STAT6: variants seen among roughly 807,000 people sequenced by gnomAD.
STAT6 encodes STAT, interleukin4-induced.
In STAT6, 45 loss-of-function variants were observed where a neutral mutation model predicts 106.3. That is an observed-to-expected ratio of 0.42 (90% CI 0.33 to 0.54). The LOEUF (loss-of-function observed/expected upper bound fraction) is 0.54, where lower values mean the gene tolerates loss of function less well. Ranked by LOEUF, STAT6 falls within the 20% of genes least tolerant of loss-of-function variation. The pLI, the probability that STAT6 is intolerant of heterozygous loss-of-function variation, is 0.06. For synonymous variants in STAT6, 413 were observed against 413.6 expected (o/e 1.00, Z 0.02); for missense variants, 797 against 1,062.2 (o/e 0.75, Z 3.47).
Position 57,099,379 on chromosome 12 carries a change from C to T in STAT6, c.1806G>A (p.Leu602=). 6.2e-7 allele frequency: 1 copy of T among 1,614,136 alleles called. No individual in the cohort carries two copies. The highest frequency in any genetic ancestry group is 8.5e-7 in the Non-Finnish European group (1 of 1,180,012). The change falls in exon 16 of 22, where the codon CTG becomes CTA. Residue 602 remains leucine (L), a synonymous_variant. Transcript: ENST00000300134. This position sits in a 1 kb window ranked among gnomAD's most constrained non-coding sequence, Gnocchi z 4.7. ...FSAKDLSIRS[L]GDRIRDLAQL... ...GAGCAAGATCCCGGATTCGGTCCCCCAGTGAGCGAATGGACAGGTCTTTGG... is the reference window on the plus strand; with the variant it reads ...GAGCAAGATCCCGGATTCGGTCCCCTAGTGAGCGAATGGACAGGTCTTTGG...
In STAT6 at chr12:57,095,927, G is replaced by A. The variant is rs1240637489; in HGVS notation, c.*645C>T. 1 of 152,404 alleles carries A rather than the reference G, an allele frequency of 6.6e-6. No homozygotes were observed. The highest frequency in any genetic ancestry group is 1.5e-5 in the Non-Finnish European group (1 of 68,184). The allele number at this position is 152,404 out of a possible 1,614,324, so 9.4% of individuals were successfully genotyped here. The stretch of plus-strand genomic sequence containing the variant: ...CTATACACGAAGAATCTCAGCCCTT[G>A]TACTTTTGCATAGTCTCATACACGT... On this transcript the variant is annotated 3_prime_UTR_variant, in exon 22 of 22. Coordinates refer to ENST00000300134, the MANE Select transcript of STAT6 (RefSeq NM_003153.5).
chr12:57,110,889 G>A (rs2034543704), intron 1 of STAT6, among the ~76,000 whole-genome samples: 2 of 152,120 alleles, frequency 1.3e-5, no homozygotes, highest in South Asian at 4.1e-4. Flanking sequence ...TGGGGGTGCA[G>A]GGGTGAGGCT....
At position 57,107,952 on chromosome 12, in the gene STAT6, C is replaced by T. The variant is rs11172103; in HGVS notation, c.117-209G>A. On this transcript the variant is annotated intron_variant, in intron 2 of 21. Transcript: ENST00000300134. ...TCCCAGCCCAAACCCCCCTCCTCTTCGGCTCAGCCTCCTAAGAGATGGGGT... is the reference window on the plus strand; with the variant it reads ...TCCCAGCCCAAACCCCCCTCCTCTTTGGCTCAGCCTCCTAAGAGATGGGGT... Among the ~76,000 whole-genome samples the T allele has an allele frequency of 4.5e-3, 688 of 152,342 alleles. 5 individuals carry two copies. Among genetic ancestry groups the T allele is most frequent in the African/African-American group, 0.016 (650 of 41,558 alleles).
At chr12:57,105,114 C>A in intron 9 of STAT6, 37 bp downstream of exon 9, 2 of 1,584,360 alleles carry the variant, frequency 1.3e-6, no homozygotes, top group South Asian at 1.1e-5. Context: ...ATCACCCTAA[C>A]AGCCCTTCTC....
rs1592568863 is a variant in STAT6, at chr12:57,105,725, G to A, written c.681-126C>T. On this transcript the variant is annotated intron_variant, in intron 7 of 21. Transcript: ENST00000300134. ...AGAAGTGGGGTGGGTAGTGGGTGTGGCTGCAAGGCACCTGGGCTGAAGGGG... is the reference window on the plus strand; with the variant it reads ...AGAAGTGGGGTGGGTAGTGGGTGTGACTGCAAGGCACCTGGGCTGAAGGGG... 7 of 1,412,268 alleles carry A rather than the reference G, an allele frequency of 5.0e-6. No individual in the cohort carries two copies. The East Asian group carries it at 1.8e-4, about 36-fold the overall frequency. 87.5% of individuals were successfully genotyped at this position (1,412,268 alleles called of 1,614,324 possible).
rs1032702132 is a variant in STAT6, at chr12:57,107,540, G to A, written c.255+65C>T. 8.3e-6 allele frequency: 13 copies of A among 1,566,550 alleles called. No individual in the cohort carries two copies. In the African/African-American group the frequency reaches 1.8e-4, roughly 21 times the overall value. On this transcript the variant is annotated intron_variant, in intron 3 of 21. Coordinates refer to ENST00000300134, the MANE Select transcript of STAT6 (RefSeq NM_003153.5). ...AGCATCCAACCAATTTTCTTCCAGG[G>A]CCCAATGCTCAACCCAGTTCAACCT... is the stretch of plus-strand genomic sequence containing the variant.
In STAT6 at chr12:57,102,325, G is replaced by T. The variant is rs2033981383; in HGVS notation, c.1477C>A (p.Gln493Lys). 6.2e-7 allele frequency: 1 copy of T among 1,614,050 alleles called. No individual in the cohort carries two copies. The highest frequency in any genetic ancestry group is 8.5e-7 in the Non-Finnish European group (1 of 1,180,052). Reference protein sequence around the residue: ...NDNSLSMEAFQHRSVSWSQFN... With the variant: ...NDNSLSMEAFKHRSVSWSQFN... ...TGCGACCAGGACACAGAACGGTGCTGGAAGGCCTCCATACTGAGGCTGTTG... is the reference window on the plus strand; with the variant it reads ...TGCGACCAGGACACAGAACGGTGCTTGAAGGCCTCCATACTGAGGCTGTTG... Residue 493 changes from glutamine (Q) to lysine (K), a missense_variant, in exon 13 of 22, where the codon CAG becomes AAG. Transcript: ENST00000300134.
chr12:57,102,525 T>G, intron 12 of STAT6, 29 bp from the exon 13 acceptor site: 1 of 1,609,028 alleles, frequency 6.2e-7, no homozygotes, highest in South Asian at 1.1e-5. Context: ...AAGAGAGCAC[T>G]GCAGGCTACC....
chr12:57,097,330 A>G, intron 19 of STAT6, 197 bp from the exon 20 acceptor site: 1 of 412,210 alleles, frequency 2.4e-6, no homozygotes, highest in Middle Eastern at 6.1e-4. Context: ...GGATTAGCCA[A>G]TTTCTAATGT....
At chr12:57,101,593 A>G (rs1398420645) in intron 13 of STAT6, among the ~76,000 whole-genome samples, 1 of 140,232 alleles carries the variant, frequency 7.1e-6, no homozygotes, top group Non-Finnish European at 1.5e-5. Flanking sequence ...CGAACTCCTG[A>G]CCTCAGGTGA....
intron 13 of STAT6, chr12:57,100,872 A>T (rs932482776): frequency 7.0e-5 from 32 of 455,886 alleles, no homozygotes; most frequent in Middle Eastern, 6.5e-4. Context: ...AACAAACTAC[A>T]TAACCCTCTG....
intron 1 of STAT6, among the ~76,000 whole-genome samples, chr12:57,109,228 A>C (rs1277434434): frequency 1.3e-5 from 2 of 152,094 alleles, no homozygotes; most frequent in Admixed American, 1.3e-4. Context: ...TAAATGAAAT[A>C]AAATAAAAAT....
chr12:57,108,231 C>T lies in STAT6; in HGVS notation c.48G>A (p.Gln16=), dbSNP rs552668811. 17 of 1,613,202 alleles carry T rather than the reference C, an allele frequency of 1.1e-5. No individual in the cohort carries two copies. In the African/African-American group the frequency reaches 1.6e-4, roughly 15 times the overall value. The change falls in exon 2 of 22, where the codon CAG becomes CAA. Residue 16 remains glutamine (Q), a synonymous_variant. Coordinates refer to ENST00000300134, the MANE Select transcript of STAT6 (RefSeq NM_003153.5). ...GTTGGGGAAAGTCGACATAGAGCCG[C>T]TGCACTTTTTCTGGGGGCATCTTGG... The part of the protein sequence containing the change: ...LVSKMPPEKV[Q]RLYVDFPQHL...
Position 57,106,981 on chromosome 12 carries a change from G to T in STAT6, c.340-150C>A, listed in dbSNP as rs1049220598. 2.3e-6 allele frequency: 3 copies of T among 1,308,076 alleles called. No homozygotes were observed. In the African/African-American group the frequency reaches 4.5e-5, roughly 19 times the overall value. The allele number at this position is 1,308,076 out of a possible 1,614,324, so 81.0% of individuals were successfully genotyped here. A position where few individuals can be genotyped will look rare whatever the true frequency, so the allele number is the denominator to read the frequency against. ...ACCTTTTGGAATATCGTGGAGATAA[G>T]ACCTTGCTCCTAGCAGAATCAGCTC... On this transcript the variant is annotated intron_variant, in intron 4 of 21. Coordinates refer to ENST00000300134, the MANE Select transcript of STAT6 (RefSeq NM_003153.5).
rs922079958 is a variant in STAT6 at position 57,098,795 on chromosome 12, A to G, written c.2063T>C (p.Met688Thr). The change falls in exon 18 of 22, where the codon ATG becomes ACG. Residue 688 changes from methionine to threonine, a missense_variant. Physicochemically the swap from Met to Thr is moderately conservative, Grantham distance 81. This residue lies in a region of STAT6 where 226 missense variants were observed against 236.7 expected (regional missense o/e 0.95). Coordinates refer to ENST00000300134, the MANE Select transcript of STAT6 (RefSeq NM_003153.5). ...SSMSMQLGPD[M>T]VPQVYPPHSH... ...TCCTGTCTTTCCAGCTCCTTACACCATATCTGGGCCAAGCTGCATGCTCAT... is the reference window on the plus strand; with the variant it reads ...TCCTGTCTTTCCAGCTCCTTACACCGTATCTGGGCCAAGCTGCATGCTCAT... 5.6e-5 allele frequency: 91 copies of G among 1,613,410 alleles called. No individual in the cohort carries two copies. The highest frequency in any genetic ancestry group is 7.5e-5 in the Non-Finnish European group (89 of 1,179,736).
chr12:57,099,331 C>T lies in STAT6; in HGVS notation c.1854G>A (p.Lys618=). Residue 618 remains lysine, a synonymous_variant, in exon 16 of 22, where the codon AAG becomes AAA. Coordinates refer to ENST00000300134, the MANE Select transcript of STAT6 (RefSeq NM_003153.5). The surrounding 1 kb of genome is among the most constrained non-coding windows in gnomAD (Gnocchi z 4.7). The part of the protein sequence containing the change: ...DLAQLKNLYP[K]KPKDEAFRSH... ...TCCGGAAAGCCTCATCCTTGGGCTT[C>T]TTGGGATAGAGATTTTTGAGCTGAG... 3 of 1,614,198 alleles carry T rather than the reference C, an allele frequency of 1.9e-6. No homozygotes were observed. Among genetic ancestry groups the T allele is most frequent in the African/African-American group, 2.7e-5 (2 of 75,040 alleles).
At position 57,107,659 on chromosome 12, in the gene STAT6, C is replaced by A. The variant is rs765943522; in HGVS notation, c.201G>T (p.Ser67=). The A allele has an allele frequency of 1.9e-6, 3 of 1,614,152 alleles. No homozygotes were observed. In the Admixed American group the frequency reaches 5.0e-5, roughly 27 times the overall value. ...LSDTVQHLQA[S]VGEQGEGSTI... ...TGCTCCCCTCCCCCTGCTCTCCCAC[C>A]GAGGCCTGAAGGTGCTGGACAGTGT... Residue 67 remains serine, a synonymous_variant, in exon 3 of 22, where the codon TCG becomes TCT. Transcript: ENST00000300134.
rs963792418 is a variant in STAT6, at chr12:57,097,314, G to T, written c.2160-181C>A. The stretch of plus-strand genomic sequence containing the variant: ...CTCATCTGTAAAATGTGCGTGTTAT[G>T]GGGGTGGATTAGCCAATTTCTAATG... On this transcript the variant is annotated intron_variant, in intron 19 of 21. Coordinates refer to ENST00000300134, the MANE Select transcript of STAT6 (RefSeq NM_003153.5). 5 of 447,482 alleles carry T rather than the reference G, an allele frequency of 1.1e-5. No individual in the cohort carries two copies. In the Admixed American group the frequency reaches 1.7e-4, roughly 15 times the overall value. The allele number at this position is 447,482 out of a possible 1,614,324, so 27.7% of individuals were successfully genotyped here.
rs148320699 is a variant in STAT6, at chr12:57,107,674, C to T, written c.186G>A (p.Gln62=). The change falls in exon 3 of 22, where the codon CAG becomes CAA. Residue 62 remains glutamine (Q), a synonymous_variant. Transcript: ENST00000300134. ...LASALLSDTV[Q]HLQASVGEQG... is the part of the protein sequence containing the mutation. ...GCTCTCCCACCGAGGCCTGAAGGTG[C>T]TGGACAGTGTCTGAAAGTAGGGCAC... 3.4e-4 allele frequency: 545 copies of T among 1,614,088 alleles called. 2 individuals are homozygous for T. The highest frequency in any genetic ancestry group is 7.5e-5 in the Non-Finnish European group (88 of 1,180,010).
Sources: gnomAD v4.1 joint callset for allele counts (sites outside exome capture counted in the v4.1 genomes callset) on GRCh38, gnomAD v4.1.1 for gene constraint, gnomAD v4.1.1 regional missense constraint, Gnocchi (gnomAD v3.1) non-coding constraint, MANE v1.5 for transcripts, NCBI Gene and HGNC (gene_info 2026-07-23, HGNC 2026-07-21) for gene names.